The following C9orf85 variants were observed in gnomAD, a reference collection of about 807,000 sequenced individuals.
The protein encoded by C9orf85 is uncharacterized protein C9orf85.
In C9orf85, 16 loss-of-function variants were observed where a neutral mutation model predicts 14.9. The observed-to-expected ratio is 1.08, with a 90% confidence interval of 0.73 to 1.63. The LOEUF is 1.63. Among genes scored for constraint, C9orf85 ranks in the 40% most tolerant of loss-of-function variants. The pLI, the probability that C9orf85 is intolerant of heterozygous loss-of-function variation, is 0.00. For missense variants in C9orf85, 172 were observed against 186.1 expected (o/e 0.92, Z 0.44); for synonymous variants, 45 against 56.8 (o/e 0.79, Z 0.93).
At chr9:71,958,505 G>A (rs1348194899) in intron 2 of C9orf85, among the ~76,000 whole-genome samples, 3 of 151,682 alleles carry the variant, frequency 2.0e-5, no homozygotes, top group Admixed American at 6.6e-5. Flanking sequence ...CAGGTGATCC[G>A]CCCGCCTCAG....
intron 2 of C9orf85, among the ~76,000 whole-genome samples, chr9:71,961,217 G>A (rs551519936): frequency 2.1e-4 from 32 of 152,112 alleles, no homozygotes; most frequent in African/African-American, 7.0e-4. Context: ...CTGGCCTCCA[G>A]CATTTCTTAT....
chr9:71,920,166 T>C (rs1827758992), intron 1 of C9orf85, among the ~76,000 whole-genome samples: 1 of 152,204 alleles, frequency 6.6e-6, no homozygotes, highest in East Asian at 1.9e-4. Flanking sequence ...TGTTTCTTAA[T>C]GTTGAGGCCT....
chr9:71,950,206 C>T (rs1444193718), intron 2 of C9orf85, among the ~76,000 whole-genome samples: 8 of 152,152 alleles, frequency 5.3e-5, no homozygotes, highest in Admixed American at 4.6e-4. Flanking sequence ...TTCACTTTCT[C>T]TGCATATTAA....
At chr9:71,928,115 A>G (rs1360490038) in intron 1 of C9orf85, among the ~76,000 whole-genome samples, 1 of 148,104 alleles carries the variant, frequency 6.8e-6, no homozygotes, top group East Asian at 2.0e-4. Flanking sequence ...TGAACCCAGG[A>G]GGCGGAGGTT....
chr9:71,978,960 A>G (rs1480071232), intron 3 of C9orf85, among the ~76,000 whole-genome samples: 1 of 152,164 alleles, frequency 6.6e-6, no homozygotes. Context: ...GCTTGAACCC[A>G]GGAGGTGGAA....
At chr9:71,945,584 G>T (rs931003258) in intron 1 of C9orf85, among the ~76,000 whole-genome samples, 2 of 152,110 alleles carry the variant, frequency 1.3e-5, no homozygotes, top group African/African-American at 4.8e-5. Context: ...CTTAATTTAT[G>T]GTTTTTCACA....
chr9:71,972,191 A>G (rs1488962567), intron 3 of C9orf85, among the ~76,000 whole-genome samples: 1 of 152,170 alleles, frequency 6.6e-6, no homozygotes, highest in Admixed American at 6.5e-5. Context: ...TAGACATCAT[A>G]TATTAATTTA....
At chr9:71,938,906 A>G (rs1828261200) in intron 1 of C9orf85, among the ~76,000 whole-genome samples, 1 of 151,760 alleles carries the variant, frequency 6.6e-6, no homozygotes, top group African/African-American at 2.4e-5. Context: ...ACTATAGTAC[A>G]TACAATAAAG....
Position 71,911,783 on chromosome 9 carries a change from C to T in C9orf85, c.49C>T (p.Gln17Ter). 6.2e-7 allele frequency: 1 copy of T among 1,614,156 alleles called. No homozygotes were observed. The change falls in exon 1 of 4, where the codon CAG (glutamine) becomes TAG (stop). Residue 17 changes from glutamine to a stop codon, truncating the protein, a stop_gained. Coordinates refer to ENST00000334731, the MANE Select transcript of C9orf85 (RefSeq NM_182505.5). LOFTEE classifies it high-confidence loss of function. ...NVARSRPQKH[Q>*]NTFSFKNDKF... Reference sequence around the variant, plus strand: ...GGCTCGTTCCAGACCTCAGAAGCACCAGAATACGTTTAGCTTCAAAAATGA... The same window carrying T: ...GGCTCGTTCCAGACCTCAGAAGCACTAGAATACGTTTAGCTTCAAAAATGA...
chr9:71,915,457 G>T (rs1247135919), intron 1 of C9orf85, among the ~76,000 whole-genome samples: 1 of 152,004 alleles, frequency 6.6e-6, no homozygotes, highest in Non-Finnish European at 1.5e-5. Context: ...GATTACAGGT[G>T]TGAGCCACCG....
chr9:71,912,483 A>C (rs1827533296), intron 1 of C9orf85, among the ~76,000 whole-genome samples: 1 of 152,144 alleles, frequency 6.6e-6, no homozygotes, highest in Admixed American at 6.5e-5. Flanking sequence ...CGTGGCTCAA[A>C]GTGCTGTAAT....
chr9:71,942,958 T>TATTAGTC (rs1262204104), intron 1 of C9orf85, among the ~76,000 whole-genome samples: 1 of 151,818 alleles, frequency 6.6e-6, no homozygotes, highest in Non-Finnish European at 1.5e-5. Flanking sequence ...ACATTATTGT[T>TATTAGTC]ATTAGTCACG....
At chr9:71,939,828 A>G (rs888346592) in intron 1 of C9orf85, among the ~76,000 whole-genome samples, 15 of 152,192 alleles carry the variant, frequency 9.9e-5, no homozygotes, top group Admixed American at 2.6e-4. Context: ...TTTTTGAGAA[A>G]GGTACAAAGG....
intron 1 of C9orf85, among the ~76,000 whole-genome samples, chr9:71,936,769 G>A (rs1229532080): frequency 2.7e-5 from 3 of 110,436 alleles, no homozygotes; most frequent in African/African-American, 9.9e-5. Context: ...CTTTGTTCAA[G>A]CTTTTTTTTT....
chr9:71,911,896 GGA>G (rs1827505425), intron 1 of C9orf85, 60 bp downstream of exon 1: 2 of 1,489,450 alleles, frequency 1.3e-6, no homozygotes, highest in Non-Finnish European at 1.9e-6. Flanking sequence ...ACTGGAGAGG[GGA>G]GAGAGGAAAT....
chr9:71,932,066 C>G (rs1009331217), intron 1 of C9orf85, among the ~76,000 whole-genome samples: 3 of 152,124 alleles, frequency 2.0e-5, no homozygotes, highest in East Asian at 1.9e-4. Context: ...TAACAAGACT[C>G]ATCTGTGATT....
chr9:71,980,194 A>G (rs1448330997), intron 3 of C9orf85, among the ~76,000 whole-genome samples: 1 of 151,846 alleles, frequency 6.6e-6, no homozygotes, highest in Non-Finnish European at 1.5e-5. Context: ...TTGTACTTTT[A>G]GTAGAGACAG....
chr9:71,977,216 TAAAA>T (rs140317277), downstream of C9orf85, among the ~76,000 whole-genome samples: 1 of 150,006 alleles, frequency 6.7e-6, no homozygotes, highest in African/African-American at 2.4e-5. Flanking sequence ...TCTTTTGTTG[TAAAA>T]AAAAAAAAAA....
intron 2 of C9orf85, among the ~76,000 whole-genome samples, chr9:71,970,710 T>C (rs1175708736): frequency 6.6e-6 from 1 of 152,186 alleles, no homozygotes; most frequent in African/African-American, 2.4e-5. Flanking sequence ...GTATGAACTT[T>C]AGGATTAGCT....
Sources: gnomAD v4.1 joint callset for allele counts (sites outside exome capture counted in the v4.1 genomes callset) on GRCh38, gnomAD v4.1.1 for gene constraint, MANE v1.5 for transcripts, NCBI Gene and HGNC (gene_info 2026-07-23, HGNC 2026-07-21) for gene names.